PDE4D: variants seen among roughly 807,000 people sequenced by gnomAD.
PDE4D encodes the protein 3',5'-cyclic-AMP phosphodiesterase 4D.
A neutral mutation model predicts 87.4 loss-of-function variants in PDE4D; 24 were observed. The ratio of observed to expected loss-of-function variants is 0.27; its 90% CI spans 0.20 to 0.39. The LOEUF (loss-of-function observed/expected upper bound fraction) is 0.39. Ranked by LOEUF, PDE4D falls within the 10% of genes least tolerant of loss-of-function variation. The pLI, the probability that PDE4D is intolerant of heterozygous loss-of-function variation, is 1.00. For missense variants in PDE4D, 714 were observed against 1,041.0 expected (o/e 0.69, Z 4.32); for synonymous variants, 384 against 383.2 (o/e 1.00, Z -0.02).
At chr5:59,483,346 A>G (rs145874387) in intron 1 of PDE4D, among the ~76,000 whole-genome samples, 3 of 152,232 alleles carry the variant, frequency 2.0e-5, no homozygotes, top group Admixed American at 1.3e-4. Context: ...ATAGAAATAA[A>G]TTTTCAAATC....
At chr5:59,074,257 T>C (rs1765328606) in intron 5 of PDE4D, among the ~76,000 whole-genome samples, 1 of 152,176 alleles carries the variant, frequency 6.6e-6, no homozygotes, top group African/African-American at 2.4e-5. Flanking sequence ...GTAGATTTAT[T>C]GTCATGGCTA....
At chr5:59,338,452 A>G (rs1347145960) in intron 1 of PDE4D, among the ~76,000 whole-genome samples, 3 of 152,156 alleles carry the variant, frequency 2.0e-5, no homozygotes, top group Non-Finnish European at 4.4e-5. Context: ...TCAGCATCTC[A>G]TATTCTTGTT....
chr5:59,301,564 T>G (rs1770255251), intron 1 of PDE4D, among the ~76,000 whole-genome samples: 1 of 152,034 alleles, frequency 6.6e-6, no homozygotes, highest in South Asian at 2.1e-4. Flanking sequence ...AAGAAAGAAG[T>G]GCGCTGTGAA....
chr5:59,270,839 G>A (rs902980989), intron 1 of PDE4D, among the ~76,000 whole-genome samples: 1 of 152,142 alleles, frequency 6.6e-6, no homozygotes, highest in African/African-American at 2.4e-5. Flanking sequence ...GAGGTAGACA[G>A]ACTTGGGTTA....
At chr5:60,057,902 A>G (rs1387156805) in intron 2 of PDE4D, among the ~76,000 whole-genome samples, 1 of 152,050 alleles carries the variant, frequency 6.6e-6, no homozygotes, top group African/African-American at 2.4e-5. Context: ...TCTGATATAT[A>G]TACCAAAGGT....
chr5:60,227,732 T>A (rs938403439), intron 1 of PDE4D, among the ~76,000 whole-genome samples: 1 of 152,084 alleles, frequency 6.6e-6, no homozygotes, highest in African/African-American at 2.4e-5. Flanking sequence ...GCCTCTTAAA[T>A]TGGTTCTCCA....
chr5:60,113,528 C>T (rs1189916011), intron 2 of PDE4D, among the ~76,000 whole-genome samples: 1 of 152,114 alleles, frequency 6.6e-6, no homozygotes, highest in Non-Finnish European at 1.5e-5. Flanking sequence ...CATTTCCTAA[C>T]ATGCCTCCCT....
At chr5:60,016,268 C>G (rs1006465120) in intron 2 of PDE4D, among the ~76,000 whole-genome samples, 1 of 152,054 alleles carries the variant, frequency 6.6e-6, no homozygotes, top group African/African-American at 2.4e-5. Flanking sequence ...AAAAAGTGTA[C>G]ACACTTTAGT....
intron 1 of PDE4D, among the ~76,000 whole-genome samples, chr5:59,478,585 A>G (rs1463341959): frequency 6.6e-6 from 1 of 152,116 alleles, no homozygotes; most frequent in Non-Finnish European, 1.5e-5. Flanking sequence ...TATCTTAATT[A>G]GTTTTCTAAA....
intron 1 of PDE4D, among the ~76,000 whole-genome samples, chr5:60,213,548 C>G (rs748494360): frequency 2.0e-5 from 3 of 152,186 alleles, no homozygotes; most frequent in African/African-American, 7.2e-5. Context: ...CGATTCTTTT[C>G]GCAATTCTCT....
At chr5:59,746,442 A>T (rs1759618664) in intron 1 of PDE4D, among the ~76,000 whole-genome samples, 1 of 152,112 alleles carries the variant, frequency 6.6e-6, no homozygotes, top group African/African-American at 2.4e-5. Context: ...TCTGGAACTA[A>T]TTAAATAGAC....
Position 59,046,420 on chromosome 5 carries a change from ATGTGTG to A in PDE4D, c.809-7455_809-7450del, listed in dbSNP as rs34085161. 7.7e-3 allele frequency among the ~76,000 whole-genome samples: 1,101 copies of A among 143,434 alleles called. 7 individuals are homozygous for A. Among genetic ancestry groups the A allele is most frequent in the Middle Eastern group, 0.029 (8 of 276 alleles). The allele number at this position is 143,434 out of a possible 152,430, so 94.1% of individuals were successfully genotyped here. A position where few individuals can be genotyped will look rare whatever the true frequency, so the allele number is the denominator to read the frequency against. On this transcript the variant is annotated intron_variant, in intron 5 of 14. Transcript: ENST00000340635. ...TGAAAGAGTGAGAGAGAGAGAGAGA[ATGTGTG>A]TGTGTGTGTGTGTGTGTATGTGTGT...
intron 6 of PDE4D, among the ~76,000 whole-genome samples, chr5:59,003,252 T>C (rs981027264): frequency 3.3e-5 from 5 of 152,156 alleles, no homozygotes; most frequent in Admixed American, 1.3e-4. Flanking sequence ...CCTCTGTAAA[T>C]TCCAGACTGC....
intron 1 of PDE4D, among the ~76,000 whole-genome samples, chr5:60,341,641 T>TA (rs533269663): frequency 2.4e-4 from 37 of 152,232 alleles, no homozygotes; most frequent in African/African-American, 8.2e-4. Flanking sequence ...TGTTAATACT[T>TA]AAAACCAAGA....
At chr5:59,646,150 T>C (rs1326572356) in intron 1 of PDE4D, among the ~76,000 whole-genome samples, 1 of 152,224 alleles carries the variant, frequency 6.6e-6, no homozygotes, top group Non-Finnish European at 1.5e-5. Context: ...GATTTAGTTT[T>C]ACATCCTAAA....
chr5:59,245,527 G>T (rs1315149626), intron 1 of PDE4D, among the ~76,000 whole-genome samples: 1 of 152,040 alleles, frequency 6.6e-6, no homozygotes, highest in East Asian at 1.9e-4. Flanking sequence ...ATGTTTCTAG[G>T]AGAAAAATAA....
In PDE4D at chr5:59,123,316, ATCT is replaced by A. The variant is rs1045300342; in HGVS notation, c.808+57276_808+57278del. On this transcript the variant is annotated intron_variant, in intron 5 of 14. Coordinates refer to ENST00000340635, the MANE Select transcript of PDE4D (RefSeq NM_001104631.2). The stretch of plus-strand genomic sequence containing the variant: ...TTTGCACTAAAAACGTTTCCATGGC[ATCT>A]TCTTCTTTATTTAATTTTCTATCAG... Among the ~76,000 whole-genome samples, 13 of 152,264 alleles carry A rather than the reference ATCT, an allele frequency of 8.5e-5. No individual in the cohort carries two copies. The South Asian group carries it at 1.7e-3, about 19-fold the overall frequency.
At position 60,006,413 on chromosome 5, in the gene PDE4D, TA is replaced by T. The variant is rs1243419728; in HGVS notation, c.43-17697del. Reference sequence around the variant, plus strand: ...CTCCTTTAGTTTACAGAAGGAGAAATAAGGTGCTGTGCAAAAAGGAGGTATC... The same window carrying T: ...CTCCTTTAGTTTACAGAAGGAGAAATAGGTGCTGTGCAAAAAGGAGGTATC... On this transcript the variant is annotated intron_variant, in intron 2 of 16. Coordinates refer to the PDE4D transcript ENST00000502484. 6.6e-5 allele frequency among the ~76,000 whole-genome samples: 10 copies of T among 151,642 alleles called. No homozygotes were observed. In the South Asian group the frequency reaches 1.9e-3, roughly 29 times the overall value.
At chr5:59,709,647 TGCTCAAGG>T (rs1164660994) in intron 1 of PDE4D, among the ~76,000 whole-genome samples, 1 of 152,162 alleles carries the variant, frequency 6.6e-6, no homozygotes, top group Non-Finnish European at 1.5e-5. Flanking sequence ...AGGGCTCAAG[TGCTCAAGG>T]ATCTCATCTC....
Sources: gnomAD v4.1 joint callset for allele counts (sites outside exome capture counted in the v4.1 genomes callset) on GRCh38, gnomAD v4.1.1 for gene constraint, MANE v1.5 for transcripts, NCBI Gene and HGNC (gene_info 2026-07-23, HGNC 2026-07-21) for gene names.